Variants in ST8SIA2 observed in about 807,000 individuals in gnomAD.
ST8SIA2 encodes ST8 alpha-N-acetyl-neuraminide alpha-2,8-sialyltransferase 2.
Under a neutral mutation model 37.6 loss-of-function variants are expected in ST8SIA2, and 22 were observed. The ratio of observed to expected loss-of-function variants is 0.58; its 90% CI spans 0.42 to 0.83. The LOEUF is 0.83. ST8SIA2 is among the 40% of genes least tolerant of loss of function. The pLI is 0.00. For synonymous variants in ST8SIA2, 205 were observed against 201.2 expected, an observed-to-expected ratio of 1.02 and a Z score of -0.16; for missense variants, 382 against 484.7, an observed-to-expected ratio of 0.79 and a Z score of 1.99.
chr15:92,432,518 G>C (rs1414109006), intron 2 of ST8SIA2, among the ~76,000 whole-genome samples: 2 of 152,168 alleles, frequency 1.3e-5, no homozygotes, highest in African/African-American at 4.8e-5. Flanking sequence ...GAGAAGTAAA[G>C]CTATCGACCC....
rs1268737962 is a variant in ST8SIA2 at position 92,464,478 on chromosome 15, C to T, written c.*93C>T. ...GGGGTGGCACAAACAATAGAACAAG[C>T]AGGCTAGTGGTTTTCTTTGTTAAAG... On this transcript the variant is annotated 3_prime_UTR_variant, in exon 6 of 6. Transcript: ENST00000268164. 2 of 1,414,308 alleles carry T rather than the reference C, an allele frequency of 1.4e-6. No homozygotes were observed. Among genetic ancestry groups the T allele is most frequent in the Non-Finnish European group, 2.0e-6 (2 of 1,001,072 alleles). The allele number at this position is 1,414,308 out of a possible 1,614,324, so 87.6% of individuals were successfully genotyped here. A position where few individuals can be genotyped will look rare whatever the true frequency, so the allele number is the denominator to read the frequency against.
Position 92,394,097 on chromosome 15 carries a change from C to A in ST8SIA2, c.33C>A (p.Ala11=). Residue 11 remains alanine (A), a synonymous_variant, in exon 1 of 6, where the codon GCC becomes GCA. Transcript: ENST00000268164. MQLQFRSWML[A]ALTLLVVFLI... is the part of the protein sequence containing the mutation. ...TGCAGTTCCGGAGCTGGATGCTGGC[C>A]GCGCTCACGCTGCTCGTGGTCTTCC... 6.4e-7 allele frequency: 1 copy of A among 1,557,658 alleles called. No individual in the cohort carries two copies. Among genetic ancestry groups the A allele is most frequent in the African/African-American group, 1.4e-5 (1 of 73,760 alleles).
chr15:92,394,149 G>C lies in ST8SIA2; in HGVS notation c.85G>C (p.Glu29Gln). The stretch of plus-strand genomic sequence containing the variant: ...CATCTTCGCAGACATCTCAGAGATC[G>C]AAGAAGAAATCGGGTAAATAGCTGC... Reference protein sequence around the residue: ...FLIFADISEIEEEIGNSGGRG... With the variant: ...FLIFADISEIQEEIGNSGGRG... Residue 29 changes from glutamate (E) to glutamine (Q), a missense_variant, in exon 1 of 6, where the codon GAA (glutamate) becomes CAA (glutamine). Glu to Gln is a conservative substitution (Grantham distance 29, BLOSUM62 2). Coordinates refer to ENST00000268164, the MANE Select transcript of ST8SIA2 (RefSeq NM_006011.4). 1 of 1,557,436 alleles carries C rather than the reference G, an allele frequency of 6.4e-7. No homozygotes were observed. The highest frequency in any genetic ancestry group is 8.7e-7 in the Non-Finnish European group (1 of 1,149,506).
intron 5 of ST8SIA2, among the ~76,000 whole-genome samples, chr15:92,450,667 C>T (rs527846411): frequency 5.3e-5 from 8 of 152,292 alleles, no homozygotes; most frequent in Admixed American, 1.3e-4. Flanking sequence ...CAGTATCCAC[C>T]GCATGGTGCT....
At chr15:92,410,995 C>G (rs1049037723) in intron 1 of ST8SIA2, among the ~76,000 whole-genome samples, 1 of 152,190 alleles carries the variant, frequency 6.6e-6, no homozygotes, top group Non-Finnish European at 1.5e-5. Context: ...GCCACAGACT[C>G]TGGCAGTGCC....
intron 5 of ST8SIA2, among the ~76,000 whole-genome samples, chr15:92,460,609 G>A (rs532787116): frequency 3.3e-5 from 5 of 152,252 alleles, no homozygotes; most frequent in Non-Finnish European, 7.4e-5. Flanking sequence ...TCTAGGCAAG[G>A]GCTCCTTATC....
chr15:92,404,834 CA>C lies in ST8SIA2; in HGVS notation c.98+10689del, dbSNP rs34778008. Among the ~76,000 whole-genome samples, 426 of 111,256 alleles carry C rather than the reference CA, an allele frequency of 3.8e-3. 2 individuals are homozygous for C. Among genetic ancestry groups the C allele is most frequent in the East Asian group, 9.4e-3 (37 of 3,950 alleles). 73.0% of individuals were successfully genotyped at this position (111,256 alleles called of 152,430 possible). A position where few individuals can be genotyped will look rare whatever the true frequency, so the allele number is the denominator to read the frequency against. ...TGGGTGACAGAGCAAGACTCCATCT[CA>C]AAAAAAAAAAAAAAAATTGGAAACA... On this transcript the variant is annotated intron_variant, in intron 1 of 5. Coordinates refer to ENST00000268164, the MANE Select transcript of ST8SIA2 (RefSeq NM_006011.4).
intron 5 of ST8SIA2, among the ~76,000 whole-genome samples, chr15:92,463,023 C>G (rs2049967946): frequency 6.6e-6 from 1 of 152,342 alleles, no homozygotes; most frequent in East Asian, 1.9e-4. Context: ...TAGACTGTGA[C>G]TCATCATTGC....
chr15:92,432,817 G>A (rs552395555), intron 2 of ST8SIA2, among the ~76,000 whole-genome samples: 11 of 152,250 alleles, frequency 7.2e-5, no homozygotes, highest in African/African-American at 2.6e-4. Flanking sequence ...ACCCCTAAGC[G>A]AAGTCCTTCT....
intron 1 of ST8SIA2, among the ~76,000 whole-genome samples, chr15:92,403,026 G>A (rs888906648): frequency 1.3e-5 from 2 of 152,158 alleles, no homozygotes; most frequent in African/African-American, 4.8e-5. Flanking sequence ...GACGGAGGGA[G>A]GGAGCCCTTC....
chr15:92,417,893 C>T (rs1454085903), intron 1 of ST8SIA2, among the ~76,000 whole-genome samples: 1 of 152,176 alleles, frequency 6.6e-6, no homozygotes, highest in Non-Finnish European at 1.5e-5. Context: ...TGAATATTTT[C>T]CCACTTAGCT....
chr15:92,446,022 A>G (rs1376702324), intron 5 of ST8SIA2, among the ~76,000 whole-genome samples: 10 of 152,160 alleles, frequency 6.6e-5, no homozygotes, highest in Admixed American at 5.9e-4. Context: ...CCAGTTATCT[A>G]TTGCAGTAAA....
chr15:92,461,817 G>C (rs902889039), intron 5 of ST8SIA2, among the ~76,000 whole-genome samples: 1 of 151,136 alleles, frequency 6.6e-6, no homozygotes, highest in African/African-American at 2.5e-5. Flanking sequence ...CACGGTGATG[G>C]GCTGCCACTG....
intron 1 of ST8SIA2, among the ~76,000 whole-genome samples, chr15:92,426,500 C>T (rs2049677155): frequency 6.6e-6 from 1 of 152,124 alleles, no homozygotes; most frequent in Non-Finnish European, 1.5e-5. Flanking sequence ...TGGAAAAGTG[C>T]ATGGATTTGT....
At chr15:92,401,527 G>A (rs1424891547) in intron 1 of ST8SIA2, among the ~76,000 whole-genome samples, 2 of 152,142 alleles carry the variant, frequency 1.3e-5, no homozygotes, top group Non-Finnish European at 2.9e-5. Context: ...GGAGAGCAGC[G>A]GCCCCGACAC....
At chr15:92,407,529 C>T (rs1438632707) in intron 1 of ST8SIA2, among the ~76,000 whole-genome samples, 2 of 152,160 alleles carry the variant, frequency 1.3e-5, no homozygotes, top group Non-Finnish European at 2.9e-5. Flanking sequence ...AGCACAGGGC[C>T]CCACTTCACA....
chr15:92,463,670 G>C (rs1329280190), intron 5 of ST8SIA2, among the ~76,000 whole-genome samples: 3 of 152,216 alleles, frequency 2.0e-5, no homozygotes, highest in African/African-American at 7.2e-5. Flanking sequence ...CGGTCAAGTA[G>C]TATTGGGATT....
chr15:92,455,590 A>G (rs1292310699), intron 5 of ST8SIA2, among the ~76,000 whole-genome samples: 1 of 152,162 alleles, frequency 6.6e-6, no homozygotes, highest in Non-Finnish European at 1.5e-5. Context: ...AGTATTCCCT[A>G]TTGACACACA....
At chr15:92,411,100 T>C (rs969203936) in intron 1 of ST8SIA2, among the ~76,000 whole-genome samples, 1 of 152,094 alleles carries the variant, frequency 6.6e-6, no homozygotes, top group African/African-American at 2.4e-5. Context: ...GTTTCTTTGG[T>C]TTAACATGGG....
Sources: gnomAD v4.1 joint callset for allele counts (sites outside exome capture counted in the v4.1 genomes callset) on GRCh38, gnomAD v4.1.1 for gene constraint, MANE v1.5 for transcripts, NCBI Gene and HGNC (gene_info 2026-07-23, HGNC 2026-07-21) for gene names.